The following GSDMC variants were observed in gnomAD, a reference collection of about 807,000 sequenced individuals.
GSDMC encodes the protein gasdermin C.
GSDMC carries 59 observed loss-of-function variants against 58.0 expected under a neutral mutation model. The observed-to-expected ratio is 1.02, with a 90% CI of 0.82 to 1.26. GSDMC has a LOEUF of 1.26. Among genes scored for constraint, GSDMC ranks in the 50% most tolerant of loss-of-function variants. The pLI, the probability that GSDMC is intolerant of heterozygous loss-of-function variation, is 0.00. For missense variants in GSDMC, 659 were observed against 598.5 expected, an observed-to-expected ratio of 1.10 and a Z score of -1.06; for synonymous variants, 241 against 220.2, an observed-to-expected ratio of 1.09 and a Z score of -0.83.
At chr8:129,784,891 C>T (rs555060112) in intron 1 of GSDMC, among the ~76,000 whole-genome samples, 2 of 152,300 alleles carry the variant, frequency 1.3e-5, no homozygotes, top group Admixed American at 6.5e-5. Context: ...GGTACATATA[C>T]ATAACAGAGT....
At chr8:129,728,140 G>A in the GSDMC span, among the ~76,000 whole-genome samples, 1 of 152,144 alleles carries the variant, frequency 6.6e-6, no homozygotes, top group Non-Finnish European at 1.5e-5. Context: ...AGATCTCCAG[G>A]CATTCAGAGC....
At chr8:129,748,840 G>T in intron 13 of GSDMC, 100 bp from the exon 14 acceptor site, 1 of 990,078 alleles carries the variant, frequency 1.0e-6, no homozygotes, top group Non-Finnish European at 1.4e-6. Flanking sequence ...AATAAAAGGA[G>T]CAAGAGCTTT....
chr8:129,725,184 G>T, the GSDMC span, among the ~76,000 whole-genome samples: 28 of 152,106 alleles, frequency 1.8e-4, no homozygotes, highest in Non-Finnish European at 3.2e-4. Context: ...ACTATCTGTT[G>T]GAGTACAGGC....
At chr8:129,751,974 C>G in intron 8 of GSDMC, 83 bp from the exon 9 acceptor site, 1 of 1,482,984 alleles carries the variant, frequency 6.7e-7, no homozygotes, top group Non-Finnish European at 9.4e-7. Flanking sequence ...CCCTGAACCA[C>G]TCTTCTCTAT....
At chr8:129,716,472 C>A in the GSDMC span, among the ~76,000 whole-genome samples, 1 of 152,240 alleles carries the variant, frequency 6.6e-6, no homozygotes, top group East Asian at 1.9e-4. Flanking sequence ...GATTTTGTAT[C>A]CTGATACTTT....
At chr8:129,756,979 T>A (rs1905168) in intron 6 of GSDMC, among the ~76,000 whole-genome samples, 98,959 of 151,828 alleles carry the variant, frequency 0.65, 34,122 homozygotes, top group African/African-American at 0.88. Flanking sequence ...AAAACTACCT[T>A]ATGATGCATC....
chr8:129,755,905 A>G (rs1026070082), intron 6 of GSDMC, among the ~76,000 whole-genome samples: 1 of 151,842 alleles, frequency 6.6e-6, no homozygotes, highest in Admixed American at 6.6e-5. Context: ...AAAAAACACC[A>G]TCAGAGAAAA....
the GSDMC span, among the ~76,000 whole-genome samples, chr8:129,710,848 G>A: frequency 3.3e-5 from 5 of 152,198 alleles, no homozygotes; most frequent in African/African-American, 1.2e-4. Flanking sequence ...GGCAGACGAG[G>A]CCAGCAAATT....
rs2033145062 is a variant in GSDMC at position 129,750,498 on chromosome 8, T to A, written c.1016A>T (p.Asp339Val). 6.2e-7 allele frequency: 1 copy of A among 1,613,902 alleles called. No individual in the cohort carries two copies. Among genetic ancestry groups the A allele is most frequent in the South Asian group, 1.1e-5 (1 of 91,072 alleles). Residue 339 changes from aspartate to valine, a missense_variant, in exon 11 of 14, where the codon GAT (aspartate) becomes GTT (valine). Asp to Val is a radical substitution (Grantham distance 152). Coordinates refer to ENST00000276708, the MANE Select transcript of GSDMC (RefSeq NM_031415.3). The stretch of plus-strand genomic sequence containing the variant: ...GGCCAGGATACTGTAGAACATGACA[T>A]CCTGAACATCCTTTGAGAGCTGAGC... ...TLAQLSKDVQDVMFYSILAML... is the reference protein window; with the variant it reads ...TLAQLSKDVQVVMFYSILAML...
At chr8:129,750,909 G>C (rs976259551) in intron 10 of GSDMC, among the ~76,000 whole-genome samples, 4 of 152,152 alleles carry the variant, frequency 2.6e-5, no homozygotes, top group Admixed American at 1.3e-4. Context: ...TTGGGCCTTA[G>C]AGGCAAAAAA....
At chr8:129,729,119 G>A in the GSDMC span, 2 of 648,914 alleles carry the variant, frequency 3.1e-6, no homozygotes, top group South Asian at 2.9e-5. Context: ...GATCCTGCAA[G>A]TAACTGCAGG....
chr8:129,766,991 T>C (rs1025554662), intron 3 of GSDMC, among the ~76,000 whole-genome samples: 4 of 152,152 alleles, frequency 2.6e-5, no homozygotes, highest in African/African-American at 7.2e-5. Context: ...ACTACATTCC[T>C]ACTAGCAGTG....
intron 3 of GSDMC, among the ~76,000 whole-genome samples, chr8:129,772,354 T>C (rs1325428306): frequency 3.3e-5 from 5 of 151,670 alleles, no homozygotes; most frequent in Non-Finnish European, 7.4e-5. Context: ...GAGGGGTTTT[T>C]TGAAAAAAAT....
the GSDMC span, among the ~76,000 whole-genome samples, chr8:129,727,458 G>A: frequency 1.3e-5 from 2 of 152,146 alleles, no homozygotes; most frequent in Non-Finnish European, 1.5e-5. Flanking sequence ...AGTAAGTGAA[G>A]CCCCAGTACG....
chr8:129,710,376 G>A, the GSDMC span, among the ~76,000 whole-genome samples: 3 of 152,240 alleles, frequency 2.0e-5, no homozygotes, highest in East Asian at 3.9e-4. Flanking sequence ...TCCTTGCACC[G>A]GCCAACATGT....
At chr8:129,722,229 A>G in the GSDMC span, among the ~76,000 whole-genome samples, 1 of 152,210 alleles carries the variant, frequency 6.6e-6, no homozygotes, top group African/African-American at 2.4e-5. Flanking sequence ...CTCGGGGAAT[A>G]GCAATTTGCA....
chr8:129,737,079 A>G, the GSDMC span, among the ~76,000 whole-genome samples: 1 of 152,222 alleles, frequency 6.6e-6, no homozygotes, highest in African/African-American at 2.4e-5. Flanking sequence ...AATCCAACTT[A>G]CAAGGGATGT....
At chr8:129,713,826 C>T in the GSDMC span, among the ~76,000 whole-genome samples, 2 of 152,042 alleles carry the variant, frequency 1.3e-5, no homozygotes, top group African/African-American at 4.8e-5. Context: ...AATTTATAGG[C>T]CATAAATGAT....
chr8:129,717,108 G>T, the GSDMC span, among the ~76,000 whole-genome samples: 3 of 152,120 alleles, frequency 2.0e-5, no homozygotes, highest in East Asian at 5.8e-4. Context: ...CCAGGTTTTG[G>T]CATCAGAATG....
Sources: gnomAD v4.1 joint callset for allele counts (sites outside exome capture counted in the v4.1 genomes callset) on GRCh38, gnomAD v4.1.1 for gene constraint, MANE v1.5 for transcripts, NCBI Gene and HGNC (gene_info 2026-07-23, HGNC 2026-07-21) for gene names.